Variants in CCDC7 observed in about 807,000 individuals in gnomAD.
CCDC7 encodes the protein coiled-coil domain containing 7, also known as coiled-coil domain-containing protein 7.
In CCDC7, 183 loss-of-function variants were observed where a neutral mutation model predicts 196.9. That is an observed-to-expected ratio of 0.93 (90% CI 0.82 to 1.05). The LOEUF (loss-of-function observed/expected upper bound fraction) is 1.05. Among genes scored for constraint, CCDC7 ranks in the 50% least tolerant of loss-of-function variants. The pLI is 0.00. For missense variants in CCDC7, 1,540 were observed against 1,482.2 expected, an observed-to-expected ratio of 1.04 and a Z score of -0.64; for synonymous variants, 525 against 484.6, an observed-to-expected ratio of 1.08 and a Z score of -1.10.
At chr10:32,447,272 C>T (rs1244860388), upstream of CCDC7, among the ~76,000 whole-genome samples, 1 of 152,140 alleles carries the variant, frequency 6.6e-6, no homozygotes, top group African/African-American at 2.4e-5. Context: ...GCTTAGTCTT[C>T]ATTTTACTTG....
chr10:32,629,376 C>T (rs147714484), intron 18 of CCDC7, among the ~76,000 whole-genome samples: 62 of 152,046 alleles, frequency 4.1e-4, no homozygotes, highest in Non-Finnish European at 7.6e-4. Flanking sequence ...TTAAAAGTCA[C>T]CTTTTTGTTC....
chr10:32,869,198 G>C (rs1361026487), intron 41 of CCDC7, among the ~76,000 whole-genome samples: 1 of 152,232 alleles, frequency 6.6e-6, no homozygotes, highest in East Asian at 1.9e-4. Flanking sequence ...GTGTAAAAGT[G>C]TTCTTATTTC....
rs1481559450 is a variant in CCDC7, at chr10:32,662,210, G to T, written c.2015-1844G>T. 1.3e-5 allele frequency among the ~76,000 whole-genome samples: 2 copies of T among 152,136 alleles called. 1 individual carries two copies. Among genetic ancestry groups the T allele is most frequent in the Non-Finnish European group, 2.9e-5 (2 of 68,022 alleles). On this transcript the variant is annotated intron_variant, in intron 20 of 41. Coordinates refer to ENST00000639629, the Ensembl canonical transcript of CCDC7. ...GCACAAATAATTTCTCTCTGCACCA[G>T]GCGGACACTGCTGAGCAATGGGGGA...
chr10:32,697,894 A>C (rs1204090042), intron 24 of CCDC7, among the ~76,000 whole-genome samples: 3 of 152,188 alleles, frequency 2.0e-5, no homozygotes, highest in Non-Finnish European at 4.4e-5. Context: ...CTGACCCCCC[A>C]GTAGGCTAAC....
At chr10:32,709,635 TAC>T (rs879658675) in intron 24 of CCDC7, among the ~76,000 whole-genome samples, 33 of 152,076 alleles carry the variant, frequency 2.2e-4, no homozygotes, top group Admixed American at 9.2e-4. Flanking sequence ...CAGTTGAAAA[TAC>T]AGATGAATCT....
At chr10:32,739,778 A>G (rs2085502541) in intron 28 of CCDC7, among the ~76,000 whole-genome samples, 1 of 152,054 alleles carries the variant, frequency 6.6e-6, no homozygotes, top group Non-Finnish European at 1.5e-5. Context: ...TTACCTAGCT[A>G]GCAGTTAGGC....
chr10:32,719,434 C>G (rs374968679), intron 25 of CCDC7, among the ~76,000 whole-genome samples: 11 of 152,166 alleles, frequency 7.2e-5, no homozygotes, highest in African/African-American at 2.4e-4. Context: ...AGAAGAAAAC[C>G]TAGGCAATAC....
intron 29 of CCDC7, among the ~76,000 whole-genome samples, chr10:32,783,587 A>G (rs1384394171): frequency 6.6e-6 from 1 of 152,198 alleles, no homozygotes; most frequent in Non-Finnish European, 1.5e-5. Context: ...GCTGTGGAAA[A>G]CAGTTTGGTT....
intron 11 of CCDC7, among the ~76,000 whole-genome samples, chr10:32,541,470 G>C (rs975916891): frequency 1.3e-5 from 2 of 152,226 alleles, no homozygotes; most frequent in African/African-American, 4.8e-5. Context: ...ACAAGAGCAG[G>C]ACTGCTGGGC....
At chr10:32,704,958 T>A (rs1011617915) in intron 24 of CCDC7, among the ~76,000 whole-genome samples, 3 of 152,140 alleles carry the variant, frequency 2.0e-5, no homozygotes, top group Non-Finnish European at 4.4e-5. Context: ...CCCTTGCACT[T>A]CCCGGGTGAG....
rs183311178 is a variant in CCDC7, at chr10:32,784,383, C to T, written c.3013+5299C>T. The stretch of plus-strand genomic sequence containing the variant: ...TCCTAATGCTGTACCGCACACCCCA[C>T]GGCCCTCTGACAGACCCCAGTGTGT... On this transcript the variant is annotated intron_variant, in intron 29 of 41. Coordinates refer to ENST00000639629, the Ensembl canonical transcript of CCDC7. Among the ~76,000 whole-genome samples, 56 of 152,204 alleles carry T rather than the reference C, an allele frequency of 3.7e-4. 1 individual carries two copies. The highest frequency in any genetic ancestry group is 6.2e-4 in the Non-Finnish European group (42 of 68,010).
intron 24 of CCDC7, among the ~76,000 whole-genome samples, chr10:32,697,295 C>T (rs1197085003): frequency 2.0e-5 from 3 of 152,206 alleles, no homozygotes; most frequent in African/African-American, 7.2e-5. Context: ...GCATTTCCAA[C>T]TGAGGTACCG....
At chr10:32,675,564 T>G (rs979923103) in intron 21 of CCDC7, 2 of 152,346 alleles carry the variant, frequency 1.3e-5, no homozygotes, top group African/African-American at 4.8e-5. Flanking sequence ...ATTACAGTAT[T>G]ACATTATTTT....
chr10:32,712,909 T>C (rs188365342), intron 25 of CCDC7, among the ~76,000 whole-genome samples: 246 of 152,228 alleles, frequency 1.6e-3, no homozygotes, highest in Non-Finnish European at 2.5e-3. Context: ...ACAGAAATAG[T>C]GTACAGATAG....
upstream of CCDC7, among the ~76,000 whole-genome samples, chr10:32,448,600 T>C (rs7094270): frequency 1.3e-5 from 2 of 152,064 alleles, no homozygotes; most frequent in Non-Finnish European, 2.9e-5. Context: ...TACTATTTGG[T>C]ATTGATATTT....
chr10:32,845,711 A>G (rs2093248033), intron 35 of CCDC7, 85 bp downstream of exon 36: 2 of 1,280,446 alleles, frequency 1.6e-6, no homozygotes, highest in Non-Finnish European at 1.1e-6. Context: ...TAATGGCAAT[A>G]GTACCTATAT....
At chr10:32,873,220 G>T (rs2094492078) in intron 41 of CCDC7, among the ~76,000 whole-genome samples, 1 of 151,930 alleles carries the variant, frequency 6.6e-6, no homozygotes, top group Admixed American at 6.6e-5. Flanking sequence ...CATATTTCTT[G>T]GAGTCTTTGT....
At chr10:32,799,707 A>G (rs1233464109) in intron 29 of CCDC7, among the ~76,000 whole-genome samples, 3 of 152,168 alleles carry the variant, frequency 2.0e-5, no homozygotes, top group Non-Finnish European at 4.4e-5. Context: ...AGTTGGATTT[A>G]TTTCCCATCC....
intron 18 of CCDC7, among the ~76,000 whole-genome samples, chr10:32,627,082 T>A (rs1434931745): frequency 1.3e-5 from 2 of 151,868 alleles, no homozygotes; most frequent in Non-Finnish European, 2.9e-5. Flanking sequence ...TTTCTATGTC[T>A]GTGAAAAGTG....
Sources: gnomAD v4.1 joint callset for allele counts (sites outside exome capture counted in the v4.1 genomes callset) on GRCh38, gnomAD v4.1.1 for gene constraint, MANE v1.5 for transcripts, NCBI Gene and HGNC (gene_info 2026-07-23, HGNC 2026-07-21) for gene names.